CPEB4: variants seen among roughly 807,000 people sequenced by gnomAD.
CPEB4 encodes the protein cytoplasmic polyadenylation element-binding protein 4.
CPEB4 carries 12 observed loss-of-function variants against 72.5 expected under a neutral mutation model. The ratio of observed to expected loss-of-function variants is 0.17; its 90% CI spans 0.11 to 0.27. CPEB4 has a LOEUF of 0.27. Among genes scored for constraint, CPEB4 ranks in the 10% least tolerant of loss-of-function variants. CPEB4 has a pLI of 1.00. For synonymous variants in CPEB4, 302 were observed against 326.3 expected (o/e 0.93, Z 0.80); for missense variants, 614 against 908.5 (o/e 0.68, Z 4.17).
In CPEB4 at chr5:173,936,907, T is replaced by C. The variant is rs182319117; in HGVS notation, c.1258+4407T>C. 5.9e-3 allele frequency among the ~76,000 whole-genome samples: 897 copies of C among 151,428 alleles called. 4 individuals are homozygous for C. The highest frequency in any genetic ancestry group is 0.017 in the Middle Eastern group (5 of 294). ...TGAACCTTGTGGCAGGAGAAAGTTA[T>C]AGAGCAAAAAAAACGTGTTAAGTTT... On this transcript the variant is annotated intron_variant, in intron 3 of 9. Coordinates refer to ENST00000265085, the MANE Select transcript of CPEB4 (RefSeq NM_030627.4).
At chr5:173,902,186 C>T (rs1756259929) in intron 1 of CPEB4, among the ~76,000 whole-genome samples, 1 of 152,154 alleles carries the variant, frequency 6.6e-6, no homozygotes, top group Non-Finnish European at 1.5e-5. Flanking sequence ...TTTATTTTGG[C>T]AGCTGACACA....
intron 2 of CPEB4, among the ~76,000 whole-genome samples, chr5:173,929,650 AGCACCACACT>A (rs1405913737): frequency 1.3e-5 from 2 of 152,142 alleles, no homozygotes; most frequent in Admixed American, 1.3e-4. Flanking sequence ...GAGCTGAGAT[AGCACCACACT>A]GCACTCCAGC....
chr5:173,948,165 T>A (rs78519131), intron 5 of CPEB4, among the ~76,000 whole-genome samples: 17,534 of 152,204 alleles, frequency 0.12, 1,176 homozygotes, highest in Middle Eastern at 0.21. Flanking sequence ...TGCACAATAC[T>A]AACTAATATA....
chr5:173,918,645 T>G lies in CPEB4; in HGVS notation c.1207+8041T>G, dbSNP rs1052087851. Among the ~76,000 whole-genome samples, 5 of 152,244 alleles carry G rather than the reference T, an allele frequency of 3.3e-5. No individual in the cohort carries two copies. In the South Asian group the frequency reaches 1.0e-3, roughly 32 times the overall value. On this transcript the variant is annotated intron_variant, in intron 2 of 9. Coordinates refer to ENST00000265085, the MANE Select transcript of CPEB4 (RefSeq NM_030627.4). ...GTTCAAACTAAATGCATCTTGTGCA[T>G]GGGCCAGATCCTCATCTGCCCCGTT...
chr5:173,944,067 G>T (rs1350976361), intron 4 of CPEB4, among the ~76,000 whole-genome samples: 1 of 152,078 alleles, frequency 6.6e-6, no homozygotes, highest in Non-Finnish European at 1.5e-5. Flanking sequence ...GGCATCTCTG[G>T]TGTTTCCTGC....
chr5:173,948,003 G>A (rs1758088489), intron 5 of CPEB4, among the ~76,000 whole-genome samples: 1 of 152,034 alleles, frequency 6.6e-6, no homozygotes, highest in African/African-American at 2.4e-5. Flanking sequence ...GGACACGCAG[G>A]ACAAAAATTG....
At chr5:173,948,542 C>T (rs1687278636) in intron 5 of CPEB4, among the ~76,000 whole-genome samples, 1 of 152,130 alleles carries the variant, frequency 6.6e-6, no homozygotes, top group Non-Finnish European at 1.5e-5. Context: ...GATGGCATTG[C>T]ACCATTATGG....
rs546129280 is a variant in CPEB4, at chr5:173,956,032, A to T, written c.2085A>T (p.Glu695Asp). Residue 695 changes from glutamate (E) to aspartate (D), a missense_variant, in exon 10 of 10, where the codon GAA becomes GAT. Glu to Asp is a conservative substitution (Grantham distance 45). This residue lies in a region of CPEB4 where 101 missense variants were observed against 243.1 expected (regional missense o/e 0.42). Coordinates refer to ENST00000265085, the MANE Select transcript of CPEB4 (RefSeq NM_030627.4). ...TTACCTGTCTGCAGTATTACTGTGA[A>T]TATTGCTGGGCTGCTATCCATTCTC... ...ANVTCLQYYC[E>D]YCWAAIHSRA... 4 of 1,614,150 alleles carry T rather than the reference A, an allele frequency of 2.5e-6. No homozygotes were observed. The South Asian group carries it at 4.4e-5, about 18-fold the overall frequency.
intron 3 of CPEB4, among the ~76,000 whole-genome samples, chr5:173,942,563 T>G (rs1378254939): frequency 1.3e-5 from 2 of 152,236 alleles, no homozygotes; most frequent in Non-Finnish European, 2.9e-5. Context: ...GATTTTCTCT[T>G]ATAAGGGATT....
intron 1 of CPEB4, among the ~76,000 whole-genome samples, chr5:173,901,703 A>C (rs1243298676): frequency 6.6e-6 from 1 of 152,236 alleles, no homozygotes; most frequent in African/African-American, 2.4e-5. Flanking sequence ...TACGATGGGG[A>C]AAATAAATGA....
intron 2 of CPEB4, among the ~76,000 whole-genome samples, chr5:173,912,022 G>A (rs2594866): frequency 0.66 from 98,641 of 148,762 alleles, 32,894 homozygotes; most frequent in Non-Finnish European, 0.73. Flanking sequence ...AGAGAGGGAA[G>A]AAAAATAATG....
intron 1 of CPEB4, among the ~76,000 whole-genome samples, chr5:173,902,418 C>T (rs1756268862): frequency 6.6e-6 from 1 of 152,024 alleles, no homozygotes; most frequent in African/African-American, 2.4e-5. Flanking sequence ...AATTAATTAC[C>T]TTTTGTGTTT....
chr5:173,889,879 C>G lies in CPEB4; in HGVS notation c.146C>G (p.Thr49Arg), dbSNP rs1419228289. 6.2e-7 allele frequency: 1 copy of G among 1,614,156 alleles called. No individual in the cohort carries two copies. The highest frequency in any genetic ancestry group is 1.1e-5 in the South Asian group (1 of 91,082). ...CCTGCTGCTTTTATAAATAATAACACAGCTGCCAATGGCAGCAGTGCTGGG... is the reference window on the plus strand; with the variant it reads ...CCTGCTGCTTTTATAAATAATAACAGAGCTGCCAATGGCAGCAGTGCTGGG... ...PSPAAFINNN[T>R]AANGSSAGSA... Residue 49 changes from threonine (T) to arginine (R), a missense_variant, in exon 1 of 10, where the codon ACA becomes AGA. Coordinates refer to ENST00000265085, the MANE Select transcript of CPEB4 (RefSeq NM_030627.4).
At chr5:173,922,112 A>G (rs1757093736) in intron 2 of CPEB4, among the ~76,000 whole-genome samples, 1 of 152,256 alleles carries the variant, frequency 6.6e-6, no homozygotes, top group Non-Finnish European at 1.5e-5. Context: ...CTCCTGGTTC[A>G]ATGGCCTGAG....
At chr5:173,929,745 A>G (rs72812817) in intron 2 of CPEB4, among the ~76,000 whole-genome samples, 35,699 of 151,888 alleles carry the variant, frequency 0.24, 5,075 homozygotes, top group Non-Finnish European at 0.31. Flanking sequence ...CATCAAGTAA[A>G]AGGGATTATG....
chr5:173,951,285 T>C (rs1287436263), intron 7 of CPEB4, among the ~76,000 whole-genome samples: 1 of 151,940 alleles, frequency 6.6e-6, no homozygotes, highest in African/African-American at 2.4e-5. Context: ...GATTGACTTA[T>C]CTAATGGATA....
chr5:173,949,239 A>G (rs1178602738), intron 5 of CPEB4, among the ~76,000 whole-genome samples: 1 of 152,200 alleles, frequency 6.6e-6, no homozygotes, highest in Admixed American at 6.5e-5. Flanking sequence ...ACAGGGCACC[A>G]TTTCAGAAAA....
In CPEB4 at chr5:173,889,829, C is replaced by T. The variant is rs1394191450; in HGVS notation, c.96C>T (p.His32=). ...VRFHPHLQPP[H]HHQNATPSPA... The stretch of plus-strand genomic sequence containing the variant: ...TCCATCCACATCTGCAGCCTCCACA[C>T]CATCACCAAAATGCCACCCCCAGCC... Residue 32 remains histidine, a synonymous_variant, in exon 1 of 10, where the codon CAC becomes CAT. Coordinates refer to ENST00000265085, the MANE Select transcript of CPEB4 (RefSeq NM_030627.4). 1.2e-6 allele frequency: 2 copies of T among 1,614,194 alleles called. No homozygotes were observed. Among genetic ancestry groups the T allele is most frequent in the African/African-American group, 1.3e-5 (1 of 75,046 alleles).
intron 1 of CPEB4, among the ~76,000 whole-genome samples, chr5:173,909,729 G>A: frequency 6.6e-6 from 1 of 152,048 alleles, no homozygotes; most frequent in Non-Finnish European, 1.5e-5. Flanking sequence ...GCTGGATCTG[G>A]TGGCTCATGC....
Sources: allele counts gnomAD v4.1 joint callset (sites outside exome capture counted in the v4.1 genomes callset), GRCh38; gene constraint gnomAD v4.1.1; regional missense constraint gnomAD v4.1.1; transcripts MANE v1.5; gene names NCBI Gene and HGNC (gene_info 2026-07-23, HGNC 2026-07-21).